NRF1: variants seen among roughly 807,000 people sequenced by gnomAD.
The protein encoded by NRF1 is alpha palindromic-binding protein.
A neutral mutation model predicts 58.5 loss-of-function variants in NRF1; 5 were observed. The ratio of observed to expected loss-of-function variants is 0.09; its 90% confidence interval spans 0.04 to 0.18. NRF1 has a LOEUF of 0.18. NRF1 is among the 10% of genes least tolerant of loss of function. The pLI is 1.00. For synonymous variants in NRF1, 224 were observed against 246.7 expected (o/e 0.91, Z 0.86); for missense variants, 288 against 657.7 (o/e 0.44, Z 6.15).
chr7:129,741,031 A>G lies in NRF1; in HGVS notation c.1348+13666A>G, dbSNP rs755383395. ...CTCTAGTCGACATGTCAGGGCCCCA[A>G]AGGAATCAAGTCCCTTTGGCATACC... On this transcript the variant is annotated intron_variant, in intron 10 of 10. Transcript: ENST00000393232. The surrounding 1 kb of genome is among the most constrained non-coding windows in gnomAD (Gnocchi z 4.0). Among the ~76,000 whole-genome samples the G allele has an allele frequency of 6.6e-6, 1 of 152,146 alleles. No individual in the cohort carries two copies. The highest frequency in any genetic ancestry group is 1.5e-5 in the Non-Finnish European group (1 of 68,022).
At chr7:129,627,372 T>G (rs1800941981) in intron 1 of NRF1, among the ~76,000 whole-genome samples, 1 of 151,952 alleles carries the variant, frequency 6.6e-6, no homozygotes, top group Non-Finnish European at 1.5e-5. Flanking sequence ...TCATCATGCT[T>G]GGCCATTTTT....
chr7:129,703,443 T>A (rs577889436), intron 5 of NRF1, among the ~76,000 whole-genome samples: 2 of 152,216 alleles, frequency 1.3e-5, no homozygotes. Context: ...CAACTGGTAA[T>A]GAGAGCACAG....
intron 3 of NRF1, among the ~76,000 whole-genome samples, chr7:129,672,677 A>G (rs1245585356): frequency 1.3e-5 from 2 of 152,132 alleles, no homozygotes; most frequent in African/African-American, 2.4e-5. Flanking sequence ...GTGCTGGGTG[A>G]TTTTTGGTCT....
chr7:129,619,433 TACACAC>T (rs754223551), intron 1 of NRF1, among the ~76,000 whole-genome samples: 2 of 65,866 alleles, frequency 3.0e-5, no homozygotes, highest in South Asian at 6.6e-4. Context: ...TATATATATA[TACACAC>T]ACACACACAT....
At chr7:129,673,059 A>G (rs1802086530) in intron 3 of NRF1, among the ~76,000 whole-genome samples, 3 of 152,178 alleles carry the variant, frequency 2.0e-5, no homozygotes, top group Non-Finnish European at 4.4e-5. Context: ...TATCCTGGAA[A>G]CCAGGTACAA....
intron 2 of NRF1, among the ~76,000 whole-genome samples, chr7:129,659,809 CT>C (rs1801741165): frequency 1.3e-5 from 2 of 152,168 alleles, no homozygotes. Context: ...TTATGTTAGT[CT>C]TCCTCACTTG....
chr7:129,682,718 C>G (rs1211142084), intron 4 of NRF1, among the ~76,000 whole-genome samples: 4 of 148,756 alleles, frequency 2.7e-5, no homozygotes, highest in Non-Finnish European at 5.9e-5. Flanking sequence ...AGGAGGATTA[C>G]TTGAGCCTAG....
At chr7:129,646,861 A>T (rs1801416720) in intron 1 of NRF1, among the ~76,000 whole-genome samples, 1 of 152,178 alleles carries the variant, frequency 6.6e-6, no homozygotes, top group Non-Finnish European at 1.5e-5. Context: ...AGAGATAAAC[A>T]GCAAGCATAA....
intron 10 of NRF1, among the ~76,000 whole-genome samples, chr7:129,728,768 C>T (rs1803512209): frequency 6.6e-6 from 1 of 152,204 alleles, no homozygotes; most frequent in Non-Finnish European, 1.5e-5. Flanking sequence ...AATCATTTTC[C>T]AAAGATGCCA....
At chr7:129,624,236 C>T (rs371336481) in intron 1 of NRF1, among the ~76,000 whole-genome samples, 4 of 151,888 alleles carry the variant, frequency 2.6e-5, no homozygotes, top group South Asian at 2.1e-4. Context: ...CTCTTTTTTG[C>T]GTTTTTCCTT....
chr7:129,705,208 T>C (rs887168435), intron 5 of NRF1, among the ~76,000 whole-genome samples: 10 of 152,310 alleles, frequency 6.6e-5, no homozygotes, highest in African/African-American at 2.2e-4. Flanking sequence ...TGACCTTGTA[T>C]ATTTGCTATT....
chr7:129,737,530 T>TG (rs1248968516), intron 10 of NRF1, among the ~76,000 whole-genome samples: 1 of 152,224 alleles, frequency 6.6e-6, no homozygotes, highest in Non-Finnish European at 1.5e-5. Flanking sequence ...AGAGGGATGA[T>TG]GCCAATCCTC....
At chr7:129,738,094 A>G (rs1289610613) in intron 10 of NRF1, among the ~76,000 whole-genome samples, 1 of 152,238 alleles carries the variant, frequency 6.6e-6, no homozygotes, top group African/African-American at 2.4e-5. Context: ...AAATGAAGAC[A>G]CTAGAGTGCT....
At chr7:129,626,349 A>AT (rs1438127274) in intron 1 of NRF1, among the ~76,000 whole-genome samples, 10 of 151,834 alleles carry the variant, frequency 6.6e-5, no homozygotes, top group South Asian at 4.2e-4. Context: ...AGTGGCTCCG[A>AT]TTTTTTTTGC....
At chr7:129,623,101 TAAGGGCTTGCCAATGA>T (rs1387140755) in intron 1 of NRF1, among the ~76,000 whole-genome samples, 1 of 152,182 alleles carries the variant, frequency 6.6e-6, no homozygotes, top group African/African-American at 2.4e-5. Context: ...AGTAAGGGTG[TAAGGGCTTGCCAATGA>T]AAGCTAACTT....
At chr7:129,645,266 A>G (rs1801380060) in intron 1 of NRF1, among the ~76,000 whole-genome samples, 1 of 152,210 alleles carries the variant, frequency 6.6e-6, no homozygotes, top group South Asian at 2.1e-4. Context: ...CTAAGACAGA[A>G]AAAGTCAAAT....
chr7:129,689,819 C>T (rs971514519), intron 4 of NRF1, among the ~76,000 whole-genome samples: 3 of 152,198 alleles, frequency 2.0e-5, no homozygotes, highest in South Asian at 2.1e-4. Context: ...CCCTTTGGCC[C>T]GGGCCTTACC....
At chr7:129,620,812 T>A (rs1287144150) in intron 1 of NRF1, among the ~76,000 whole-genome samples, 1 of 152,202 alleles carries the variant, frequency 6.6e-6, no homozygotes, top group Non-Finnish European at 1.5e-5. Flanking sequence ...TTAAGTTAGG[T>A]GTTGCTTATG....
chr7:129,658,265 G>A (rs1417801646), intron 2 of NRF1, among the ~76,000 whole-genome samples: 2 of 151,990 alleles, frequency 1.3e-5, no homozygotes, highest in African/African-American at 4.8e-5. Flanking sequence ...ATCAATACCT[G>A]TAGAAATTGT....
Sources: gnomAD v4.1 joint callset for allele counts (sites outside exome capture counted in the v4.1 genomes callset) on GRCh38, gnomAD v4.1.1 for gene constraint, Gnocchi (gnomAD v3.1) non-coding constraint, MANE v1.5 for transcripts, NCBI Gene and HGNC (gene_info 2026-07-23, HGNC 2026-07-21) for gene names.